The following GMDS variants were observed in gnomAD, a reference collection of about 807,000 sequenced individuals.
GMDS encodes the protein GDP-mannose 4,6-dehydratase, also known as GDP-mannose 4,6 dehydratase.
A neutral mutation model predicts 49.9 loss-of-function variants in GMDS; 20 were observed. The observed-to-expected ratio is 0.40, with a 90% CI of 0.28 to 0.58. The LOEUF is 0.58. Ranked by LOEUF, GMDS falls within the 20% of genes least tolerant of loss-of-function variation. The probability of loss-of-function intolerance (pLI) is 0.42; values close to 1 mark genes in which losing one functional copy is unlikely to be tolerated. For missense variants in GMDS, 362 were observed against 481.4 expected, an observed-to-expected ratio of 0.75 and a Z score of 2.32; for synonymous variants, 177 against 178.6, an observed-to-expected ratio of 0.99 and a Z score of 0.07.
At chr6:1,783,488 C>T (rs1769194406) in intron 7 of GMDS, among the ~76,000 whole-genome samples, 1 of 152,182 alleles carries the variant, frequency 6.6e-6, no homozygotes, top group African/African-American at 2.4e-5. Flanking sequence ...CAGACAAACA[C>T]TGAAGTCAGG....
chr6:1,650,208 G>C (rs997526038), intron 9 of GMDS, among the ~76,000 whole-genome samples: 1 of 152,028 alleles, frequency 6.6e-6, no homozygotes, highest in Admixed American at 6.6e-5. Flanking sequence ...CGTACCAAGA[G>C]TTTTAACTTT....
At chr6:2,212,925 CCTTTT>C (rs1780140319) in intron 1 of GMDS, among the ~76,000 whole-genome samples, 1 of 152,100 alleles carries the variant, frequency 6.6e-6, no homozygotes, top group Admixed American at 6.5e-5. Context: ...AAAAATATCA[CCTTTT>C]CTTATCATTT....
At chr6:1,868,443 C>T (rs1031461389) in intron 7 of GMDS, among the ~76,000 whole-genome samples, 8 of 152,136 alleles carry the variant, frequency 5.3e-5, no homozygotes, top group South Asian at 2.1e-4. Flanking sequence ...GCAGTGATCC[C>T]GGTTGAATGC....
intron 7 of GMDS, among the ~76,000 whole-genome samples, chr6:1,813,967 A>C (rs564323609): frequency 6.6e-6 from 1 of 152,316 alleles, no homozygotes; most frequent in East Asian, 1.9e-4. Flanking sequence ...CATGTGAGTA[A>C]ATTTTGAAAA....
intron 1 of GMDS, among the ~76,000 whole-genome samples, chr6:2,180,846 A>G (rs1186693327): frequency 6.6e-6 from 1 of 152,152 alleles, no homozygotes; most frequent in Non-Finnish European, 1.5e-5. Flanking sequence ...TTTCCTCTCC[A>G]AGTCATTTGT....
intron 7 of GMDS, among the ~76,000 whole-genome samples, chr6:1,764,981 T>C (rs1451626381): frequency 1.3e-5 from 2 of 152,210 alleles, no homozygotes; most frequent in African/African-American, 4.8e-5. Context: ...TGAATTATTG[T>C]TAAATAGTGT....
chr6:1,838,805 C>T (rs114184769), intron 7 of GMDS, among the ~76,000 whole-genome samples: 1,909 of 152,266 alleles, frequency 0.013, 37 homozygotes, highest in Non-Finnish European at 0.019. Flanking sequence ...GAAACAATCT[C>T]AAGATCTGCA....
chr6:1,953,135 G>C (rs553500380), intron 6 of GMDS, among the ~76,000 whole-genome samples: 199 of 152,272 alleles, frequency 1.3e-3, no homozygotes, highest in African/African-American at 4.6e-3. Flanking sequence ...CTGGGTATGA[G>C]AGGCAGGCCT....
At chr6:1,929,598 C>T (rs982837488) in intron 7 of GMDS, among the ~76,000 whole-genome samples, 5 of 152,128 alleles carry the variant, frequency 3.3e-5, no homozygotes, top group Admixed American at 1.3e-4. Flanking sequence ...TAAAGCTCAA[C>T]GACATGCAAT....
intron 4 of GMDS, among the ~76,000 whole-genome samples, chr6:2,076,193 T>G (rs1270655412): frequency 6.6e-6 from 1 of 152,188 alleles, no homozygotes; most frequent in Non-Finnish European, 1.5e-5. Flanking sequence ...TTTCTCCCAT[T>G]CTGTAGGTTG....
At chr6:2,046,939 A>C (rs979598947) in intron 4 of GMDS, among the ~76,000 whole-genome samples, 4 of 152,154 alleles carry the variant, frequency 2.6e-5, no homozygotes, top group African/African-American at 9.7e-5. Flanking sequence ...CTCCATCATA[A>C]TCCTTACATG....
At chr6:1,693,567 T>C (rs1765243181) in intron 9 of GMDS, among the ~76,000 whole-genome samples, 1 of 152,210 alleles carries the variant, frequency 6.6e-6, no homozygotes, top group Non-Finnish European at 1.5e-5. Context: ...CTAAAAAACA[T>C]ATTTCCATAT....
chr6:1,764,018 T>C (rs908877603), intron 7 of GMDS, among the ~76,000 whole-genome samples: 8 of 152,096 alleles, frequency 5.3e-5, no homozygotes, highest in South Asian at 2.1e-4. Flanking sequence ...GCGGGCATTG[T>C]AGGCCTGCCT....
intron 7 of GMDS, among the ~76,000 whole-genome samples, chr6:1,802,259 A>T (rs913080341): frequency 6.6e-6 from 1 of 152,204 alleles, no homozygotes; most frequent in Non-Finnish European, 1.5e-5. Flanking sequence ...AATTTTGCAG[A>T]CACCAGTTAG....
chr6:2,200,637 A>G (rs1168404176), intron 1 of GMDS, among the ~76,000 whole-genome samples: 1 of 149,106 alleles, frequency 6.7e-6, no homozygotes, highest in Non-Finnish European at 1.5e-5. Flanking sequence ...CGAAGGATGA[A>G]GACAGAACAC....
At chr6:2,226,005 T>C (rs1335741360) in intron 1 of GMDS, among the ~76,000 whole-genome samples, 2 of 145,644 alleles carry the variant, frequency 1.4e-5, no homozygotes, top group Non-Finnish European at 3.0e-5. Flanking sequence ...AAGCCTAACC[T>C]AAGAAAAGAA....
chr6:1,899,309 T>C (rs922076770), intron 7 of GMDS, among the ~76,000 whole-genome samples: 8 of 152,054 alleles, frequency 5.3e-5, no homozygotes, highest in Middle Eastern at 3.4e-3. Context: ...TTTTTTTTCC[T>C]GCATGCTTTG....
chr6:2,243,801 A>G (rs1446156125), intron 1 of GMDS, among the ~76,000 whole-genome samples: 1 of 145,800 alleles, frequency 6.9e-6, no homozygotes, highest in Non-Finnish European at 1.5e-5. Context: ...AAATTGTGTA[A>G]TATTCTGTGA....
chr6:2,043,686 T>C (rs182889214), intron 4 of GMDS, among the ~76,000 whole-genome samples: 1 of 152,360 alleles, frequency 6.6e-6, no homozygotes, highest in East Asian at 1.9e-4. Context: ...CAGTGCTAGC[T>C]TGCACTCTTA....
Sources: allele counts gnomAD v4.1 joint callset (sites outside exome capture counted in the v4.1 genomes callset), GRCh38; gene constraint gnomAD v4.1.1; transcripts MANE v1.5; gene names NCBI Gene and HGNC (gene_info 2026-07-23, HGNC 2026-07-21).